FMOD: variants seen among roughly 807,000 people sequenced by gnomAD.
FMOD encodes fibromodulin.
Under a neutral mutation model 27.0 loss-of-function variants are expected in FMOD, and 15 were observed. That is an observed-to-expected ratio of 0.55 (90% CI 0.37 to 0.85). FMOD has a LOEUF of 0.85. FMOD is among the 40% of genes least tolerant of loss of function. FMOD has a pLI of 0.00. For missense variants in FMOD, 460 were observed against 483.2 expected, an observed-to-expected ratio of 0.95 and a Z score of 0.45; for synonymous variants, 210 against 214.0, an observed-to-expected ratio of 0.98 and a Z score of 0.16.
intron 1 of FMOD, 140 bp from the exon 2 acceptor site, chr1:203,348,417 T>C (rs1006999430): frequency 1.1e-6 from 1 of 873,706 alleles, no homozygotes; most frequent in Non-Finnish European, 1.7e-6. Context: ...GGAGCCTTGC[T>C]CTCATTTCTT....
rs1272380643 is a variant in FMOD at position 203,350,373 on chromosome 1, A to T, written c.-8+660T>A. On this transcript the variant is annotated intron_variant, in intron 1 of 2. Coordinates refer to ENST00000354955, the MANE Select transcript of FMOD (RefSeq NM_002023.5). ...GGTCGAAAGTTTCCAGGACTGCCAC[A>T]CTATCAGCTGGGGGAAGTTTACTCA... is the stretch of plus-strand genomic sequence containing the variant. Among the ~76,000 whole-genome samples the T allele has an allele frequency of 2.6e-5, 4 of 152,082 alleles. No individual in the cohort carries two copies. The East Asian group carries it at 7.7e-4, about 29-fold the overall frequency.
At chr1:203,348,398 C>T (rs1658934937) in intron 1 of FMOD, 121 bp from the exon 2 acceptor site, 3 of 1,020,538 alleles carry the variant, frequency 2.9e-6, no homozygotes, top group Non-Finnish European at 4.2e-6. Flanking sequence ...TGTCAAACAT[C>T]TGAGAGCAGG....
chr1:203,347,558 A>G lies in FMOD; in HGVS notation c.713T>C (p.Val238Ala). Residue 238 changes from valine to alanine, a missense_variant, in exon 2 of 3, where the codon GTG becomes GCG. Physicochemically the swap from Val to Ala is moderately conservative, Grantham distance 64. Coordinates refer to ENST00000354955, the MANE Select transcript of FMOD (RefSeq NM_002023.5). ...LDLSYNHLRK[V>A]PDGLPSALEQ... is the part of the protein sequence containing the mutation. ...AAGAGCTGAGGGCAGCCCATCAGGC[A>G]CCTTCCGAAGGTGGTTATAACTCAG... The G allele has an allele frequency of 6.2e-7, 1 of 1,614,166 alleles. No homozygotes were observed. Among genetic ancestry groups the G allele is most frequent in the Admixed American group, 1.7e-5 (1 of 60,022 alleles).
rs111457702 is a variant in FMOD at position 203,344,804 on chromosome 1, T to C, written c.980-2310A>G. Among the ~76,000 whole-genome samples the C allele has an allele frequency of 8.3e-3, 1,263 of 152,316 alleles. 16 individuals are homozygous for C. Among genetic ancestry groups the C allele is most frequent in the African/African-American group, 0.029 (1,217 of 41,558 alleles). On this transcript the variant is annotated intron_variant, in intron 2 of 2. Coordinates refer to ENST00000354955, the MANE Select transcript of FMOD (RefSeq NM_002023.5). ...GGGGGCTGAGCTTGGGGAGCTGTTT[T>C]CCTGCTAGTGGTCTGCATCAGAGAG...
intron 2 of FMOD, among the ~76,000 whole-genome samples, chr1:203,343,778 T>C (rs1658840670): frequency 6.6e-6 from 1 of 152,158 alleles, no homozygotes; most frequent in Non-Finnish European, 1.5e-5. Context: ...GGAGAGGTTA[T>C]AGGTATGAAG....
At chr1:203,348,675 T>G (rs1041175796) in intron 1 of FMOD, among the ~76,000 whole-genome samples, 1 of 152,202 alleles carries the variant, frequency 6.6e-6, no homozygotes, top group African/African-American at 2.4e-5. Context: ...GGTAGTGGGA[T>G]GCTCTTCAGA....
intron 1 of FMOD, among the ~76,000 whole-genome samples, chr1:203,350,190 A>T (rs1189010147): frequency 6.6e-6 from 1 of 152,174 alleles, no homozygotes; most frequent in Non-Finnish European, 1.5e-5. Context: ...TGCCCACTTC[A>T]GCCTCTTCTT....
intron 2 of FMOD, among the ~76,000 whole-genome samples, chr1:203,345,714 C>T (rs1014934402): frequency 6.6e-6 from 1 of 152,010 alleles, no homozygotes; most frequent in East Asian, 1.9e-4. Flanking sequence ...CTGGCTAACA[C>T]GGTGAAACCC....
chr1:203,342,427 G>T lies in FMOD; in HGVS notation c.1047C>A (p.Arg349=). The change falls in exon 3 of 3, where the codon CGC becomes CGA. Residue 349 remains arginine, a synonymous_variant. Transcript: ENST00000354955. ...TGCGCTTGATCTCGTTCCCGTCCAG[G>T]CGCAGCACCTGCAGCTTGGAGAAGT... ...VVNFSKLQVL[R]LDGNEIKRSA... 1 of 1,614,176 alleles carries T rather than the reference G, an allele frequency of 6.2e-7. No individual in the cohort carries two copies. The highest frequency in any genetic ancestry group is 1.1e-5 in the South Asian group (1 of 91,084).
chr1:203,341,373 T>A lies in FMOD; in HGVS notation c.*970A>T, dbSNP rs903805480. 3 of 152,178 alleles carry A rather than the reference T, an allele frequency of 2.0e-5. No individual in the cohort carries two copies. The highest frequency in any genetic ancestry group is 7.2e-5 in the African/African-American group (3 of 41,422). 9.4% of individuals were successfully genotyped at this position (152,178 alleles called of 1,614,324 possible). ...TGTGTTTCTCATACTTTAAAAACCA[T>A]GTGGCCGCTACCTTTGTGGATAAAA... On this transcript the variant is annotated 3_prime_UTR_variant, in exon 3 of 3. Transcript: ENST00000354955.
intron 2 of FMOD, 93 bp from the exon 3 acceptor site, chr1:203,342,587 T>G: frequency 7.5e-7 from 1 of 1,325,858 alleles, no homozygotes; most frequent in Non-Finnish European, 1.0e-6. Flanking sequence ...GCAGCTTAGA[T>G]AAAGGGGTGG....
chr1:203,346,555 C>T (rs1052892844), intron 2 of FMOD, among the ~76,000 whole-genome samples: 2 of 150,946 alleles, frequency 1.3e-5, no homozygotes, highest in Admixed American at 6.6e-5. Flanking sequence ...AGCCCAGTGT[C>T]CTAGGCTTGG....
intron 2 of FMOD, among the ~76,000 whole-genome samples, chr1:203,346,515 G>A (rs769054227): frequency 6.6e-6 from 1 of 150,674 alleles, no homozygotes; most frequent in South Asian, 2.1e-4. Context: ...TTTCCTTTGG[G>A]CATTGCAAGG....
At chr1:203,343,499 G>A (rs750802034) in intron 2 of FMOD, among the ~76,000 whole-genome samples, 1 of 152,200 alleles carries the variant, frequency 6.6e-6, no homozygotes, top group Non-Finnish European at 1.5e-5. Context: ...GAGGCTTTCA[G>A]GAAACTTGCT....
Position 203,347,947 on chromosome 1 carries a change from C to G in FMOD, c.324G>C (p.Lys108Asn). 1 of 1,609,292 alleles carries G rather than the reference C, an allele frequency of 6.2e-7. No individual in the cohort carries two copies. Among genetic ancestry groups the G allele is most frequent in the Non-Finnish European group, 8.5e-7 (1 of 1,176,284 alleles). The stretch of plus-strand genomic sequence containing the variant: ...TCTGGTTGTTCTGGAAGTACACATA[C>G]TTCATGCGGGAGGGAACGAAGGGCA... ...KYLPFVPSRM[K>N]YVYFQNNQIT... The change falls in exon 2 of 3, where the codon AAG becomes AAC. Residue 108 changes from lysine (K) to asparagine (N), a missense_variant. By Grantham distance (94) the Lys-to-Asn change is moderately conservative (BLOSUM62 0). Coordinates refer to ENST00000354955, the MANE Select transcript of FMOD (RefSeq NM_002023.5).
Position 203,342,208 on chromosome 1 carries a change from A to G in FMOD, c.*135T>C, listed in dbSNP as rs1312598322. The stretch of plus-strand genomic sequence containing the variant: ...GATCGCCCCCCCTAACCCCACCTAC[A>G]GGAAAGAAGACTACAGAGGGTGCCC... On this transcript the variant is annotated 3_prime_UTR_variant, in exon 3 of 3. Coordinates refer to ENST00000354955, the MANE Select transcript of FMOD (RefSeq NM_002023.5). The G allele has an allele frequency of 8.9e-7, 1 of 1,119,338 alleles. No homozygotes were observed. Among genetic ancestry groups the G allele is most frequent in the African/African-American group, 1.6e-5 (1 of 63,814 alleles). The allele number at this position is 1,119,338 out of a possible 1,614,324, so 69.3% of individuals were successfully genotyped here.
intron 2 of FMOD, among the ~76,000 whole-genome samples, chr1:203,346,211 T>C (rs111255010): frequency 0.01 from 1,527 of 152,166 alleles, 30 homozygotes; most frequent in African/African-American, 0.035. Context: ...ACGACTCTGT[T>C]CTTCTCAGCG....
Position 203,347,530 on chromosome 1 carries a change from C to A in FMOD, c.741G>T (p.Glu247Asp), listed in dbSNP as rs753661433. 1.2e-6 allele frequency: 2 copies of A among 1,614,190 alleles called. No individual in the cohort carries two copies. Among genetic ancestry groups the A allele is most frequent in the Non-Finnish European group, 1.7e-6 (2 of 1,180,038 alleles). ...KVPDGLPSAL[E>D]QLYMEHNNVY... Reference sequence around the variant, plus strand: ...CATTGTTGTGCTCCATGTACAGCTGCTCAAGAGCTGAGGGCAGCCCATCAG... The same window carrying A: ...CATTGTTGTGCTCCATGTACAGCTGATCAAGAGCTGAGGGCAGCCCATCAG... Residue 247 changes from glutamate to aspartate, a missense_variant, in exon 2 of 3, where the codon GAG becomes GAT. Physicochemically the swap from Glu to Asp is conservative, Grantham distance 45. Coordinates refer to ENST00000354955, the MANE Select transcript of FMOD (RefSeq NM_002023.5).
chr1:203,346,098 G>A (rs541242346), intron 2 of FMOD, among the ~76,000 whole-genome samples: 6 of 152,094 alleles, frequency 3.9e-5, no homozygotes, highest in Non-Finnish European at 8.8e-5. Context: ...CTCTGGGGCT[G>A]GTGCCTCTCT....
Sources: gnomAD v4.1 joint callset for allele counts (sites outside exome capture counted in the v4.1 genomes callset) on GRCh38, gnomAD v4.1.1 for gene constraint, MANE v1.5 for transcripts, NCBI Gene and HGNC (gene_info 2026-07-23, HGNC 2026-07-21) for gene names.